The following TMEM229B variants were observed in gnomAD, a reference collection of about 807,000 sequenced individuals.
TMEM229B encodes the protein transmembrane protein 229B.
Under a neutral mutation model 13.7 loss-of-function variants are expected in TMEM229B, and 6 were observed. The ratio of observed to expected loss-of-function variants is 0.44; its 90% CI spans 0.24 to 0.86. The LOEUF is 0.86. Ranked by LOEUF, TMEM229B falls within the 40% of genes least tolerant of loss-of-function variation. The probability of loss-of-function intolerance (pLI) is 0.23; values close to 1 mark genes in which losing one functional copy is unlikely to be tolerated. For missense variants in TMEM229B, 170 were observed against 236.0 expected (o/e 0.72, Z 1.83); for synonymous variants, 107 against 102.1 (o/e 1.05, Z -0.29).
intron 2 of TMEM229B, among the ~76,000 whole-genome samples, chr14:67,482,051 A>G (rs1222734341): frequency 6.6e-6 from 1 of 152,224 alleles, no homozygotes; most frequent in South Asian, 2.1e-4. Context: ...TTCAAATCCG[A>G]GAGTCCTCAT....
upstream of TMEM229B, among the ~76,000 whole-genome samples, chr14:67,489,505 C>T (rs1351125015): frequency 6.6e-6 from 1 of 152,140 alleles, no homozygotes; most frequent in Non-Finnish European, 1.5e-5. Flanking sequence ...AAGCAGAGAC[C>T]ACCGGCCTGT....
chr14:67,473,698 G>A lies in TMEM229B; in HGVS notation c.226C>T (p.Arg76Cys), dbSNP rs2030943387. 6.3e-7 allele frequency: 1 copy of A among 1,592,124 alleles called. No homozygotes were observed. Among genetic ancestry groups the A allele is most frequent in the Non-Finnish European group, 8.5e-7 (1 of 1,169,594 alleles). The part of the protein sequence containing the change: ...RLRGRCPLLL[R>C]CLIYTLWTYL... The stretch of plus-strand genomic sequence containing the variant: ...GTCCAGAGCGTGTAGATGAGGCAGC[G>A]CAGGAGCAGCGGGCAGCGGCCGCGC... The change falls in exon 3 of 3, where the codon CGC becomes TGC. Residue 76 changes from arginine to cysteine, a missense_variant. By Grantham distance (180) the Arg-to-Cys change is radical. This residue lies in a region of TMEM229B where 57 missense variants were observed against 66.7 expected (regional missense o/e 0.85). Transcript: ENST00000554480. This position sits in a 1 kb window ranked among gnomAD's most constrained non-coding sequence, Gnocchi z 6.5.
chr14:67,474,192 G>C (rs560018473), intron 2 of TMEM229B, among the ~76,000 whole-genome samples: 2 of 151,794 alleles, frequency 1.3e-5, no homozygotes, highest in Non-Finnish European at 2.9e-5. Flanking sequence ...GCAGAGGTTG[G>C]AGTGAGCCAA....
rs201418117 is a variant in TMEM229B at position 67,523,690 on chromosome 14, A to C, written c.-192+9946T>G. On this transcript the variant is annotated intron_variant, in intron 1 of 2. Coordinates refer to the TMEM229B transcript ENST00000554278. ...TAGGTTAAACTCTGGCTTTGGCTCA[A>C]GATTGACCAGCATTTGTAAATACAC... 2.0e-5 allele frequency among the ~76,000 whole-genome samples: 3 copies of C among 152,262 alleles called. No individual in the cohort carries two copies. In the East Asian group the frequency reaches 5.8e-4, roughly 29 times the overall value.
At chr14:67,525,661 T>C (rs2033355896) in intron 1 of TMEM229B, among the ~76,000 whole-genome samples, 1 of 152,242 alleles carries the variant, frequency 6.6e-6, no homozygotes, top group African/African-American at 2.4e-5. Context: ...CCTCTATAAA[T>C]GGCTTCCAAT....
intron 1 of TMEM229B, chr14:67,533,262 G>C (rs2140293292): frequency 6.6e-6 from 1 of 151,972 alleles, no homozygotes; most frequent in South Asian, 2.1e-4. Context: ...CGCAGCCCAC[G>C]ACCCCTGCTG....
At chr14:67,496,758 C>T (rs1265955246) in intron 1 of TMEM229B, among the ~76,000 whole-genome samples, 1 of 129,152 alleles carries the variant, frequency 7.7e-6, no homozygotes, top group Non-Finnish European at 1.6e-5. Flanking sequence ...TTCCTTCCTC[C>T]CTCCCTCCCT....
intron 1 of TMEM229B, among the ~76,000 whole-genome samples, chr14:67,508,426 G>T (rs2032905814): frequency 6.6e-6 from 1 of 152,072 alleles, no homozygotes; most frequent in Non-Finnish European, 1.5e-5. Context: ...CAAAAAACTT[G>T]CATCACACGC....
At chr14:67,500,342 C>T (rs925432066) in intron 1 of TMEM229B, among the ~76,000 whole-genome samples, 16 of 151,618 alleles carry the variant, frequency 1.1e-4, no homozygotes, top group African/African-American at 2.9e-4. Context: ...GGCATGGTGG[C>T]GGGCGCCTGT....
Position 67,473,700 on chromosome 14 carries a change from A to G in TMEM229B, c.224T>C (p.Leu75Pro), listed in dbSNP as rs1206156671. The G allele has an allele frequency of 6.3e-7, 1 of 1,594,854 alleles. No homozygotes were observed. The highest frequency in any genetic ancestry group is 1.3e-5 in the African/African-American group (1 of 74,580). The part of the protein sequence containing the change: ...LRLRGRCPLL[L>P]RCLIYTLWTY... ...CCAGAGCGTGTAGATGAGGCAGCGC[A>G]GGAGCAGCGGGCAGCGGCCGCGCAG... Residue 75 changes from leucine to proline, a missense_variant, in exon 3 of 3, where the codon CTG (leucine) becomes CCG (proline). This residue lies in a region of TMEM229B where 57 missense variants were observed against 66.7 expected (regional missense o/e 0.85). Coordinates refer to ENST00000554480, the MANE Select transcript of TMEM229B (RefSeq NM_001348543.2). This position sits in a 1 kb window ranked among gnomAD's most constrained non-coding sequence, Gnocchi z 6.5.
upstream of TMEM229B, among the ~76,000 whole-genome samples, chr14:67,518,141 AACC>A (rs969846266): frequency 6.6e-6 from 1 of 152,150 alleles, no homozygotes; most frequent in African/African-American, 2.4e-5. Context: ...GCCTGGAACA[AACC>A]ACCCCTGCTG....
intron 1 of TMEM229B, among the ~76,000 whole-genome samples, chr14:67,508,755 A>AAAAAAAAAAAAAAAAAAAC (rs2032922756): frequency 6.8e-6 from 1 of 146,988 alleles, no homozygotes; most frequent in Non-Finnish European, 1.5e-5. Flanking sequence ...CCTTGTCTCA[A>AAAAAAAAAAAAAAAAAAAC]AAAAAAAAAA....
chr14:67,525,323 T>C (rs2033349889), intron 1 of TMEM229B, among the ~76,000 whole-genome samples: 1 of 152,264 alleles, frequency 6.6e-6, no homozygotes, highest in South Asian at 2.1e-4. Flanking sequence ...CATTAAGTAA[T>C]GAATATCTTT....
At chr14:67,486,055 C>T (rs1466201857) in intron 2 of TMEM229B, among the ~76,000 whole-genome samples, 3 of 152,244 alleles carry the variant, frequency 2.0e-5, no homozygotes, top group Non-Finnish European at 2.9e-5. Flanking sequence ...GATCTGAAGC[C>T]TGACGGCCAA....
chr14:67,479,836 G>T (rs1230801970), intron 2 of TMEM229B, among the ~76,000 whole-genome samples: 1 of 152,228 alleles, frequency 6.6e-6, no homozygotes, highest in Non-Finnish European at 1.5e-5. Context: ...CTGAAGTCAT[G>T]TAAAATTATT....
chr14:67,489,863 A>G (rs536715350), upstream of TMEM229B, among the ~76,000 whole-genome samples: 32 of 152,166 alleles, frequency 2.1e-4, 1 homozygote, highest in South Asian at 6.4e-3. Flanking sequence ...GATGGTGGGC[A>G]CCTGTAGTCC....
chr14:67,516,203 G>T (rs1037741594), upstream of TMEM229B, among the ~76,000 whole-genome samples: 1 of 152,150 alleles, frequency 6.6e-6, no homozygotes, highest in East Asian at 1.9e-4. Context: ...CCATTCGCAC[G>T]CCAAGCCTAG....
chr14:67,501,706 G>A (rs1437866196), intron 1 of TMEM229B, among the ~76,000 whole-genome samples: 1 of 152,192 alleles, frequency 6.6e-6, no homozygotes, highest in Non-Finnish European at 1.5e-5. Context: ...CATCTCTGTT[G>A]AGGAAGGTCG....
upstream of TMEM229B, among the ~76,000 whole-genome samples, chr14:67,519,788 T>C (rs1349274885): frequency 6.6e-6 from 1 of 151,806 alleles, no homozygotes; most frequent in Non-Finnish European, 1.5e-5. Context: ...AGTGGCATGA[T>C]CATGGCTTAC....
Sources: allele counts gnomAD v4.1 joint callset (sites outside exome capture counted in the v4.1 genomes callset), GRCh38; gene constraint gnomAD v4.1.1; regional missense constraint gnomAD v4.1.1; non-coding constraint Gnocchi (gnomAD v3.1); transcripts MANE v1.5; gene names NCBI Gene and HGNC (gene_info 2026-07-23, HGNC 2026-07-21).